SMOC2: variants seen among roughly 807,000 people sequenced by gnomAD.
SMOC2 encodes SPARC-related modular calcium-binding protein 2.
Under a neutral mutation model 61.4 loss-of-function variants are expected in SMOC2, and 39 were observed. That is an observed-to-expected ratio of 0.64 (90% CI 0.49 to 0.83). SMOC2 has a LOEUF of 0.83. SMOC2 is among the 40% of genes least tolerant of loss of function. The probability of loss-of-function intolerance (pLI) is 0.00; values close to 1 mark genes in which losing one functional copy is unlikely to be tolerated. For missense variants in SMOC2, 556 were observed against 592.9 expected (o/e 0.94, Z 0.65); for synonymous variants, 247 against 239.9 (o/e 1.03, Z -0.27).
chr6:168,615,633 G>C (rs1786063814), intron 9 of SMOC2, among the ~76,000 whole-genome samples: 1 of 33,884 alleles, frequency 3.0e-5, no homozygotes, highest in Non-Finnish European at 6.5e-5. Flanking sequence ...AGCCAGCACA[G>C]GGCCTCTTCA....
At chr6:168,471,713 T>C (rs774584072) in intron 1 of SMOC2, among the ~76,000 whole-genome samples, 1 of 152,234 alleles carries the variant, frequency 6.6e-6, no homozygotes, top group East Asian at 1.9e-4. Context: ...CAACACTTGT[T>C]ATTTCTGTGT....
chr6:168,489,898 G>A (rs551619826), intron 1 of SMOC2, among the ~76,000 whole-genome samples: 3 of 148,602 alleles, frequency 2.0e-5, no homozygotes, highest in African/African-American at 5.0e-5. Flanking sequence ...ATATCGAATC[G>A]TCTGGGTCCC....
At position 168,523,079 on chromosome 6, in the gene SMOC2, A is replaced by ATTCTTTTTT. The variant is rs551183247; in HGVS notation, c.257-3265_257-3264insCTTTTTTTT. Among the ~76,000 whole-genome samples the ATTCTTTTTT allele has an allele frequency of 9.7e-4, 91 of 93,686 alleles. 19 individuals carry two copies. The highest frequency in any genetic ancestry group is 1.6e-3 in the East Asian group (4 of 2,460). The allele number at this position is 93,686 out of a possible 152,430, so 61.5% of individuals were successfully genotyped here. A position where few individuals can be genotyped will look rare whatever the true frequency, so the allele number is the denominator to read the frequency against. Reference sequence around the variant, plus strand: ...TTATGTTATTTGTAGTTGTACAGTAATTTTTTTTTTTTTTTTTTTTGAGAC... The same window carrying ATTCTTTTTT: ...TTATGTTATTTGTAGTTGTACAGTAATTCTTTTTTTTTTTTTTTTTTTTTTTTTTGAGAC... On this transcript the variant is annotated intron_variant, in intron 2 of 12. Transcript: ENST00000356284.
chr6:168,659,027 GT>G (rs1367545840), intron 11 of SMOC2, among the ~76,000 whole-genome samples: 1 of 141,800 alleles, frequency 7.1e-6, no homozygotes, highest in East Asian at 2.1e-4. Context: ...GTGTGGGGGT[GT>G]GGTGTGTATG....
intron 7 of SMOC2, among the ~76,000 whole-genome samples, chr6:168,586,134 G>C (rs1205554800): frequency 1.3e-5 from 2 of 151,848 alleles, no homozygotes; most frequent in Non-Finnish European, 2.9e-5. Flanking sequence ...TTTATGTTTA[G>C]ATCTCTAATT....
chr6:168,466,976 C>T lies in SMOC2; in HGVS notation c.84+25522C>T, dbSNP rs531504862. ...GCCCACAGGATGCTGGGCAGGGCTGCGCCATTGCAGCCACATCCTGCGGTC... is the reference window on the plus strand; with the variant it reads ...GCCCACAGGATGCTGGGCAGGGCTGTGCCATTGCAGCCACATCCTGCGGTC... On this transcript the variant is annotated intron_variant, in intron 1 of 12. Transcript: ENST00000356284. Among the ~76,000 whole-genome samples the T allele has an allele frequency of 3.7e-4, 57 of 152,298 alleles. 1 individual carries two copies. The highest frequency in any genetic ancestry group is 1.3e-4 in the Admixed American group (2 of 15,306).
At chr6:168,536,959 A>G (rs115834222) in intron 4 of SMOC2, among the ~76,000 whole-genome samples, 2,400 of 152,226 alleles carry the variant, frequency 0.016, 58 homozygotes, top group African/African-American at 0.051. Flanking sequence ...GGGTCGGGGC[A>G]GCAGGGTCGG....
At chr6:168,508,266 A>G (rs755901404) in intron 1 of SMOC2, among the ~76,000 whole-genome samples, 2 of 152,222 alleles carry the variant, frequency 1.3e-5, no homozygotes, top group Admixed American at 6.5e-5. Context: ...AAAAAATCAC[A>G]GATTATGATT....
At chr6:168,617,118 C>A (rs1027789481) in intron 9 of SMOC2, among the ~76,000 whole-genome samples, 1 of 152,190 alleles carries the variant, frequency 6.6e-6, no homozygotes, top group Non-Finnish European at 1.5e-5. Flanking sequence ...TACAATATTT[C>A]TTTTGGCTGA....
chr6:168,583,714 A>C (rs1038032213), intron 7 of SMOC2, among the ~76,000 whole-genome samples: 2 of 152,198 alleles, frequency 1.3e-5, no homozygotes, highest in African/African-American at 4.8e-5. Context: ...CTGAGTTCAC[A>C]GGCTTGGGCC....
intron 4 of SMOC2, among the ~76,000 whole-genome samples, chr6:168,528,039 C>T (rs185061630): frequency 7.5e-4 from 114 of 152,316 alleles, no homozygotes; most frequent in Non-Finnish European, 3.2e-4. Flanking sequence ...TTAAAATAAC[C>T]GCAAGGACTT....
chr6:168,588,057 C>T (rs1269257955), intron 7 of SMOC2, among the ~76,000 whole-genome samples: 1 of 151,558 alleles, frequency 6.6e-6, no homozygotes, highest in Non-Finnish European at 1.5e-5. Flanking sequence ...GGTTCGTAAA[C>T]GGTGTCCTTT....
chr6:168,488,705 A>T (rs9456127), intron 1 of SMOC2, among the ~76,000 whole-genome samples: 1,428 of 131,864 alleles, frequency 0.011, 23 homozygotes, highest in African/African-American at 0.038. Flanking sequence ...TGCATCACAC[A>T]GTTTTAGAAG....
chr6:168,616,164 C>G (rs1490083815), intron 9 of SMOC2, among the ~76,000 whole-genome samples: 1 of 152,212 alleles, frequency 6.6e-6, no homozygotes, highest in African/African-American at 2.4e-5. Flanking sequence ...TCTGTGATCC[C>G]TGCTGTCATA....
intron 7 of SMOC2, among the ~76,000 whole-genome samples, chr6:168,592,001 A>G (rs150368288): frequency 6.6e-6 from 1 of 152,170 alleles, no homozygotes; most frequent in African/African-American, 2.4e-5. Context: ...AACATAACTT[A>G]TAGTAATATG....
At chr6:168,618,735 G>A (rs1376950470) in intron 9 of SMOC2, among the ~76,000 whole-genome samples, 1 of 152,260 alleles carries the variant, frequency 6.6e-6, no homozygotes, top group Admixed American at 6.5e-5. Flanking sequence ...GGAAGACGGT[G>A]CGCTCAGGAC....
intron 2 of SMOC2, among the ~76,000 whole-genome samples, chr6:168,512,454 T>C (rs1783030862): frequency 6.6e-6 from 1 of 152,132 alleles, no homozygotes; most frequent in Non-Finnish European, 1.5e-5. Flanking sequence ...TGAGCTACTT[T>C]CAAAGGGAAA....
intron 1 of SMOC2, among the ~76,000 whole-genome samples, chr6:168,485,589 A>C (rs959139370): frequency 6.6e-6 from 1 of 152,214 alleles, no homozygotes. Context: ...ATATCATATG[A>C]GTCTCTATAT....
chr6:168,587,525 T>G (rs553477868), intron 7 of SMOC2, among the ~76,000 whole-genome samples: 2 of 152,294 alleles, frequency 1.3e-5, no homozygotes, highest in South Asian at 2.1e-4. Context: ...GACAAATGGT[T>G]GCATTCTTTT....
Sources: allele counts gnomAD v4.1 joint callset (sites outside exome capture counted in the v4.1 genomes callset), GRCh38; gene constraint gnomAD v4.1.1; transcripts MANE v1.5; gene names NCBI Gene and HGNC (gene_info 2026-07-23, HGNC 2026-07-21).